Variants in GNB1 observed in about 807,000 individuals in gnomAD.
GNB1 encodes the protein G protein subunit beta 1, also known as guanine nucleotide-binding protein G(I)/G(S)/G(T) subunit beta-1.
GNB1 carries 2 observed loss-of-function variants against 42.9 expected under a neutral mutation model. That is an observed-to-expected ratio of 0.05 (90% CI 0.02 to 0.15). GNB1 has a LOEUF of 0.15. Ranked by LOEUF, GNB1 falls within the 10% of genes least tolerant of loss-of-function variation. GNB1 has a pLI of 1.00. For synonymous variants in GNB1, 183 were observed against 174.7 expected (o/e 1.05, Z -0.38); for missense variants, 193 against 462.2 (o/e 0.42, Z 5.34).
intron 1 of GNB1, among the ~76,000 whole-genome samples, chr1:1,845,472 C>T (rs1647591612): frequency 6.6e-6 from 1 of 152,076 alleles, no homozygotes; most frequent in African/African-American, 2.4e-5. Context: ...ACTCAGGAGG[C>T]TGAGGCAGGA....
intron 7 of GNB1, among the ~76,000 whole-genome samples, chr1:1,794,544 T>TC (rs1646521871): frequency 6.6e-6 from 1 of 151,610 alleles, no homozygotes; most frequent in Non-Finnish European, 1.5e-5. Flanking sequence ...TGAAAAGCCT[T>TC]CCCCCCAACT....
chr1:1,884,619 C>T (rs1650043997), intron 1 of GNB1, among the ~76,000 whole-genome samples: 1 of 152,058 alleles, frequency 6.6e-6, no homozygotes, highest in Non-Finnish European at 1.5e-5. Flanking sequence ...CACAGACATG[C>T]ATGGAGACAT....
intron 1 of GNB1, among the ~76,000 whole-genome samples, chr1:1,889,583 G>A (rs1355590352): frequency 3.3e-5 from 5 of 151,812 alleles, no homozygotes; most frequent in Non-Finnish European, 5.9e-5. Flanking sequence ...AGGCTGAGGC[G>A]GGAGGATCGC....
chr1:1,848,768 C>T (rs1028701541), intron 1 of GNB1, among the ~76,000 whole-genome samples: 1 of 152,192 alleles, frequency 6.6e-6, no homozygotes, highest in Admixed American at 6.5e-5. Flanking sequence ...GACTGCACAG[C>T]AGGTTAGCAC....
chr1:1,873,938 A>G (rs2101806127), intron 1 of GNB1, among the ~76,000 whole-genome samples: 1 of 152,310 alleles, frequency 6.6e-6, no homozygotes, highest in South Asian at 2.1e-4. Flanking sequence ...TGGGGACTAA[A>G]TACAAGAGGG....
chr1:1,835,922 G>A (rs200061157), intron 2 of GNB1, among the ~76,000 whole-genome samples: 874 of 88,438 alleles, frequency 9.9e-3, no homozygotes, highest in African/African-American at 0.015. Context: ...ATTAAAAAAA[G>A]AAAAAAAAAA....
At chr1:1,871,724 G>A (rs1649261331) in intron 1 of GNB1, among the ~76,000 whole-genome samples, 1 of 152,156 alleles carries the variant, frequency 6.6e-6, no homozygotes, top group Non-Finnish European at 1.5e-5. Flanking sequence ...GCTCTGCACA[G>A]CCAACAGATT....
Position 1,839,256 on chromosome 1 carries a change from G to A in GNB1, c.-95-18C>T, listed in dbSNP as rs1647191534. Reference sequence around the variant, plus strand: ...AAATTTGTCTGAAACAAACAGAAAAGGCTGTATTTGTATTGCACTCAGGTT... The same window carrying A: ...AAATTTGTCTGAAACAAACAGAAAAAGCTGTATTTGTATTGCACTCAGGTT... On this transcript the variant is annotated intron_variant, in intron 1 of 11. Transcript: ENST00000378609. 1 of 152,158 alleles carries A rather than the reference G, an allele frequency of 6.6e-6. No homozygotes were observed. Among genetic ancestry groups the A allele is most frequent in the Admixed American group, 6.6e-5 (1 of 15,266 alleles). 9.4% of individuals were successfully genotyped at this position (152,158 alleles called of 1,614,324 possible).
intron 3 of GNB1, 99 bp from the exon 4 acceptor site, chr1:1,817,974 C>T: frequency 1.1e-6 from 1 of 907,804 alleles, no homozygotes; most frequent in Non-Finnish European, 1.8e-6. Context: ...CCTAAGCTGT[C>T]AGGAGCAAAA....
At chr1:1,814,043 A>C (rs1646817139) in intron 5 of GNB1, among the ~76,000 whole-genome samples, 1 of 152,056 alleles carries the variant, frequency 6.6e-6, no homozygotes, top group South Asian at 2.1e-4. Flanking sequence ...TTCCTAACTA[A>C]AACTCTGTAC....
At chr1:1,867,490 A>G (rs769982635) in intron 1 of GNB1, among the ~76,000 whole-genome samples, 1 of 152,172 alleles carries the variant, frequency 6.6e-6, no homozygotes, top group Non-Finnish European at 1.5e-5. Flanking sequence ...TTTATACCAA[A>G]AATTCTAGCT....
intron 2 of GNB1, among the ~76,000 whole-genome samples, chr1:1,837,290 T>C (rs1647165293): frequency 6.6e-6 from 1 of 150,778 alleles, no homozygotes; most frequent in African/African-American, 2.4e-5. Flanking sequence ...AGTCTCACTC[T>C]GTCACCCAGG....
chr1:1,802,656 C>T (rs1169632418), intron 7 of GNB1, among the ~76,000 whole-genome samples: 2 of 151,298 alleles, frequency 1.3e-5, no homozygotes, highest in African/African-American at 4.9e-5. Flanking sequence ...GTAATCTACT[C>T]GGGAGGCTGA....
At chr1:1,881,131 A>C (rs1055180909) in intron 1 of GNB1, among the ~76,000 whole-genome samples, 12 of 152,114 alleles carry the variant, frequency 7.9e-5, no homozygotes, top group Admixed American at 3.9e-4. Flanking sequence ...CCTCAAACCC[A>C]ACACACACAA....
At chr1:1,844,598 A>G (rs116405173) in intron 1 of GNB1, among the ~76,000 whole-genome samples, 4 of 152,194 alleles carry the variant, frequency 2.6e-5, no homozygotes, top group Non-Finnish European at 5.9e-5. Context: ...AGCTGCATTA[A>G]TATTTCTAAT....
At position 1,819,534 on chromosome 1, in the gene GNB1, A is replaced by T. The variant is rs1010631816; in HGVS notation, c.58-1659T>A. On this transcript the variant is annotated intron_variant, in intron 3 of 11. Transcript: ENST00000378609. ...CCCCGCCTGGCCTCTTTTTTTTTTT[A>T]AACTATGTATTTATTTATTTTTATG... Among the ~76,000 whole-genome samples the T allele has an allele frequency of 6.7e-5, 10 of 150,214 alleles. No individual in the cohort carries two copies. The South Asian group carries it at 8.4e-4, about 13-fold the overall frequency.
At chr1:1,797,971 C>G (rs1002203321) in intron 7 of GNB1, among the ~76,000 whole-genome samples, 1 of 152,212 alleles carries the variant, frequency 6.6e-6, no homozygotes, top group Non-Finnish European at 1.5e-5. Context: ...GCCCCAGGAT[C>G]GGCTCCAAGG....
intron 1 of GNB1, among the ~76,000 whole-genome samples, chr1:1,877,294 G>A (rs1308890602): frequency 8.0e-6 from 1 of 125,124 alleles, no homozygotes; most frequent in Non-Finnish European, 1.6e-5. Context: ...GTGAGACTCT[G>A]TCTCAAAAAA....
Position 1,790,651 on chromosome 1 carries a change from GTCATGTGACAGAC to G in GNB1, c.498-68_498-56del. ...TCAGCCTTAACTTCTTGGGTGGCTAGTCATGTGACAGACAATCTGTCCTTCAAACCACCCAGGG... is the reference window on the plus strand; with the variant it reads ...TCAGCCTTAACTTCTTGGGTGGCTAGAATCTGTCCTTCAAACCACCCAGGG... On this transcript the variant is annotated intron_variant, in intron 8 of 11. Coordinates refer to ENST00000378609, the MANE Select transcript of GNB1 (RefSeq NM_002074.5). The surrounding 1 kb of genome is among the most constrained non-coding windows in gnomAD (Gnocchi z 5.4). 2 of 1,233,672 alleles carry G rather than the reference GTCATGTGACAGAC, an allele frequency of 1.6e-6. No homozygotes were observed. The highest frequency in any genetic ancestry group is 1.8e-5 in the Admixed American group (1 of 55,736). The allele number at this position is 1,233,672 out of a possible 1,614,324, so 76.4% of individuals were successfully genotyped here.
Sources: allele counts gnomAD v4.1 joint callset (sites outside exome capture counted in the v4.1 genomes callset), GRCh38; gene constraint gnomAD v4.1.1; non-coding constraint Gnocchi (gnomAD v3.1); transcripts MANE v1.5; gene names NCBI Gene and HGNC (gene_info 2026-07-23, HGNC 2026-07-21).